Variants in NAALADL2 observed in about 807,000 individuals in gnomAD.
NAALADL2 encodes N-acetylated alpha-linked acidic dipeptidase like 2.
NAALADL2 carries 76 observed loss-of-function variants against 87.2 expected under a neutral mutation model. That is an observed-to-expected ratio of 0.87 (90% CI 0.72 to 1.05). NAALADL2 has a LOEUF of 1.05. Among genes scored for constraint, NAALADL2 ranks in the 50% least tolerant of loss-of-function variants. The pLI is 0.00. For synonymous variants in NAALADL2, 354 were observed against 331.0 expected (o/e 1.07, Z -0.75); for missense variants, 1,089 against 945.8 (o/e 1.15, Z -1.99).
At chr3:175,667,181 G>GAAAGAGAA (rs1553945219) in intron 11 of NAALADL2, among the ~76,000 whole-genome samples, 1 of 95,220 alleles carries the variant, frequency 1.1e-5, no homozygotes, top group Non-Finnish European at 2.1e-5. Flanking sequence ...AAGAAAGAAA[G>GAAAGAGAA]AGAAAGAAAG....
intron 2 of NAALADL2, among the ~76,000 whole-genome samples, chr3:175,177,056 G>T (rs1234179214): frequency 1.3e-5 from 2 of 152,056 alleles, no homozygotes; most frequent in Admixed American, 1.3e-4. Flanking sequence ...GATTAAGTTT[G>T]TCTCTGGAGT....
intron 1 of NAALADL2, among the ~76,000 whole-genome samples, chr3:175,031,038 AAT>A (rs572939901): frequency 1.3e-5 from 2 of 152,214 alleles, no homozygotes; most frequent in East Asian, 3.9e-4. Flanking sequence ...TATAATTTTA[AAT>A]AGTTAAATAT....
intron 1 of NAALADL2, among the ~76,000 whole-genome samples, chr3:174,542,039 C>T (rs1194743993): frequency 1.3e-5 from 2 of 152,124 alleles, no homozygotes; most frequent in Non-Finnish European, 2.9e-5. Flanking sequence ...ATTTTTAATT[C>T]TGTGCAAATT....
At chr3:175,239,729 G>C (rs1320292479) in intron 3 of NAALADL2, among the ~76,000 whole-genome samples, 1 of 152,198 alleles carries the variant, frequency 6.6e-6, no homozygotes, top group African/African-American at 2.4e-5. Flanking sequence ...TCTGCAGAGA[G>C]CATAGTTCAA....
intron 2 of NAALADL2, among the ~76,000 whole-genome samples, chr3:175,121,899 T>G (rs1392800883): frequency 6.6e-6 from 1 of 151,870 alleles, no homozygotes; most frequent in African/African-American, 2.4e-5. Flanking sequence ...AGGACAAGCT[T>G]CTACCACTTT....
In NAALADL2 at chr3:175,808,079, G is replaced by A. The variant is rs973205332; in HGVS notation, c.*4876G>A. The A allele has an allele frequency of 6.6e-6, 1 of 151,870 alleles. No homozygotes were observed. The highest frequency in any genetic ancestry group is 1.5e-5 in the Non-Finnish European group (1 of 67,876). The allele number at this position is 151,870 out of a possible 1,614,324, so 9.4% of individuals were successfully genotyped here. A position where few individuals can be genotyped will look rare whatever the true frequency, so the allele number is the denominator to read the frequency against. On this transcript the variant is annotated 3_prime_UTR_variant, in exon 14 of 14. Transcript: ENST00000454872. ...CTATCAGTCTCAATTTAAATGATCT[G>A]TTAATCAGCCAGAGTTTTAGTTTCA...
chr3:175,379,656 C>T (rs924271481), intron 5 of NAALADL2, among the ~76,000 whole-genome samples: 21 of 151,874 alleles, frequency 1.4e-4, no homozygotes, highest in African/African-American at 4.4e-4. Context: ...GCCTCTGCCT[C>T]GGCCTTCTAA....
chr3:175,223,057 AAATT>A (rs146677427), intron 2 of NAALADL2, among the ~76,000 whole-genome samples: 4,731 of 151,602 alleles, frequency 0.031, 86 homozygotes, highest in Middle Eastern at 0.048. Flanking sequence ...TACCACAATC[AAATT>A]AATTAACACA....
chr3:175,781,483 C>T (rs1280201247), intron 13 of NAALADL2, among the ~76,000 whole-genome samples: 1 of 152,026 alleles, frequency 6.6e-6, no homozygotes, highest in African/African-American at 2.4e-5. Context: ...TAACTAAGTA[C>T]AGTACCTGAT....
chr3:175,010,482 A>T (rs532164027), intron 1 of NAALADL2, among the ~76,000 whole-genome samples: 1 of 152,178 alleles, frequency 6.6e-6, no homozygotes, highest in Non-Finnish European at 1.5e-5. Flanking sequence ...CTGCTTCCAA[A>T]TGTTTGTTTT....
intron 1 of NAALADL2, among the ~76,000 whole-genome samples, chr3:175,058,152 G>T (rs1454059532): frequency 6.6e-6 from 1 of 152,100 alleles, no homozygotes; most frequent in Non-Finnish European, 1.5e-5. Context: ...TTTGGTTACT[G>T]TTGTGTAAAC....
intron 1 of NAALADL2, among the ~76,000 whole-genome samples, chr3:174,529,908 A>G (rs1438786136): frequency 6.6e-6 from 1 of 152,116 alleles, no homozygotes; most frequent in Non-Finnish European, 1.5e-5. Context: ...CTGTGATGGG[A>G]AGGTCTGCTG....
intron 1 of NAALADL2, among the ~76,000 whole-genome samples, chr3:174,470,162 T>A (rs1480801772): frequency 2.0e-5 from 3 of 152,188 alleles, no homozygotes; most frequent in African/African-American, 4.8e-5. Flanking sequence ...CCAGCATCTG[T>A]TATTTTCTCA....
At chr3:175,792,878 A>G (rs1161044228) in intron 13 of NAALADL2, among the ~76,000 whole-genome samples, 1 of 152,194 alleles carries the variant, frequency 6.6e-6, no homozygotes, top group African/African-American at 2.4e-5. Context: ...GGGTAAAAGA[A>G]GATGTGGCAT....
At chr3:174,549,600 C>A (rs1308510221) in intron 1 of NAALADL2, among the ~76,000 whole-genome samples, 1 of 152,170 alleles carries the variant, frequency 6.6e-6, no homozygotes, top group South Asian at 2.1e-4. Flanking sequence ...GGAACATGGG[C>A]AAACAGTTAC....
At chr3:174,772,804 A>G (rs931688291) in intron 3 of NAALADL2, among the ~76,000 whole-genome samples, 3 of 152,226 alleles carry the variant, frequency 2.0e-5, no homozygotes, top group Non-Finnish European at 4.4e-5. Context: ...GACCTTGTTC[A>G]TGTCAGTATC....
intron 1 of NAALADL2, among the ~76,000 whole-genome samples, chr3:174,938,285 T>C (rs1738015814): frequency 6.6e-6 from 1 of 152,134 alleles, no homozygotes; most frequent in Non-Finnish European, 1.5e-5. Context: ...TACTTGGTTT[T>C]CTTTTTCTGC....
chr3:175,424,771 A>G (rs1716494556), intron 5 of NAALADL2, among the ~76,000 whole-genome samples: 1 of 151,996 alleles, frequency 6.6e-6, no homozygotes, highest in Non-Finnish European at 1.5e-5. Flanking sequence ...TTTAATTTTT[A>G]TGTGCCCTCA....
At chr3:175,427,307 T>C (rs1382606938) in intron 5 of NAALADL2, among the ~76,000 whole-genome samples, 1 of 152,196 alleles carries the variant, frequency 6.6e-6, no homozygotes, top group African/African-American at 2.4e-5. Context: ...TCATATTGCA[T>C]ATTGCAAAGG....
Sources: gnomAD v4.1 joint callset for allele counts (sites outside exome capture counted in the v4.1 genomes callset) on GRCh38, gnomAD v4.1.1 for gene constraint, MANE v1.5 for transcripts, NCBI Gene and HGNC (gene_info 2026-07-23, HGNC 2026-07-21) for gene names.